SNTB2: variants seen among roughly 807,000 people sequenced by gnomAD.
SNTB2 encodes beta-2-syntrophin.
SNTB2 carries 34 observed loss-of-function variants against 46.2 expected under a neutral mutation model. The observed-to-expected ratio is 0.74, with a 90% CI of 0.56 to 0.98. The LOEUF (loss-of-function observed/expected upper bound fraction) is 0.98, where lower values mean the gene tolerates loss of function less well. Ranked by LOEUF, SNTB2 falls within the 50% of genes least tolerant of loss-of-function variation. The probability of loss-of-function intolerance (pLI) is 0.00; values close to 1 mark genes in which losing one functional copy is unlikely to be tolerated. For missense variants in SNTB2, 603 were observed against 731.4 expected, an observed-to-expected ratio of 0.82 and a Z score of 2.02; for synonymous variants, 290 against 312.6, an observed-to-expected ratio of 0.93 and a Z score of 0.76.
intron 5 of SNTB2, among the ~76,000 whole-genome samples, chr16:69,294,091 G>T (rs540645182): frequency 6.6e-6 from 1 of 152,048 alleles, no homozygotes; most frequent in Admixed American, 6.6e-5. Context: ...GCAGTGTCAC[G>T]AACATGGCTC....
chr16:69,285,293 A>G lies in SNTB2; in HGVS notation c.1345+1049A>G, dbSNP rs145896988. ...CTAGCAAAGTTTTTTTAAGCCTGGT[A>G]TATGACTCGAAGTACATTTATAATA... On this transcript the variant is annotated intron_variant, in intron 5 of 6. Transcript: ENST00000336278. 3.3e-5 allele frequency among the ~76,000 whole-genome samples: 5 copies of G among 151,832 alleles called. No individual in the cohort carries two copies. In the East Asian group the frequency reaches 7.7e-4, roughly 23 times the overall value.
intron 1 of SNTB2, among the ~76,000 whole-genome samples, chr16:69,218,102 A>G (rs1014460655): frequency 3.3e-5 from 5 of 152,188 alleles, no homozygotes; most frequent in Non-Finnish European, 7.3e-5. Context: ...TAATTCATGT[A>G]TATGTATTAT....
At chr16:69,229,473 ATTT>A (rs546123559) in intron 1 of SNTB2, among the ~76,000 whole-genome samples, 4 of 131,036 alleles carry the variant, frequency 3.1e-5, no homozygotes, top group African/African-American at 5.6e-5. Flanking sequence ...GCCTGCCTGA[ATTT>A]TTTTTTTTTT....
chr16:69,229,714 C>T (rs1056991354), intron 1 of SNTB2, among the ~76,000 whole-genome samples: 8 of 151,056 alleles, frequency 5.3e-5, no homozygotes, highest in African/African-American at 1.7e-4. Context: ...TAGTGGCGCA[C>T]GCCTGTAGTC....
chr16:69,267,236 C>T (rs1477982667), intron 3 of SNTB2, among the ~76,000 whole-genome samples: 2 of 152,128 alleles, frequency 1.3e-5, no homozygotes, highest in African/African-American at 2.4e-5. Context: ...CCAGGATGGT[C>T]TTGATCTCCT....
At chr16:69,215,908 T>C (rs1208746732) in intron 1 of SNTB2, among the ~76,000 whole-genome samples, 1 of 152,168 alleles carries the variant, frequency 6.6e-6, no homozygotes, top group African/African-American at 2.4e-5. Flanking sequence ...GCTCAAGTGA[T>C]CCTTGCACCT....
intron 1 of SNTB2, among the ~76,000 whole-genome samples, chr16:69,216,689 C>T (rs182135251): frequency 6.6e-6 from 1 of 151,712 alleles, no homozygotes; most frequent in African/African-American, 2.4e-5. Flanking sequence ...CCCTGCCCCC[C>T]CCCCAAAAAA....
intron 1 of SNTB2, among the ~76,000 whole-genome samples, chr16:69,236,766 G>A (rs537363410): frequency 6.6e-6 from 1 of 152,014 alleles, no homozygotes; most frequent in Non-Finnish European, 1.5e-5. Flanking sequence ...GAGGGGAGTA[G>A]GTAGGCTAGA....
At chr16:69,292,354 TTATA>T (rs1166147915) in intron 5 of SNTB2, among the ~76,000 whole-genome samples, 2,344 of 36,238 alleles carry the variant, frequency 0.065, 300 homozygotes, top group Middle Eastern at 0.083. Flanking sequence ...ACCTTATTTT[TTATA>T]TATATATATA....
chr16:69,207,297 G>A lies in SNTB2; in HGVS notation c.580+19551G>A, dbSNP rs1249288665. Among the ~76,000 whole-genome samples, 6 of 151,756 alleles carry A rather than the reference G, an allele frequency of 4.0e-5. No individual in the cohort carries two copies. In the East Asian group the frequency reaches 1.2e-3, roughly 29 times the overall value. ...GCTTCCCGAGTAGCTTGGACTATAG[G>A]CGTGTGCCACCACGCCCAGCTAATT... On this transcript the variant is annotated intron_variant, in intron 1 of 6. Transcript: ENST00000336278.
At chr16:69,222,119 A>G (rs1964411087) in intron 1 of SNTB2, among the ~76,000 whole-genome samples, 1 of 152,234 alleles carries the variant, frequency 6.6e-6, no homozygotes, top group African/African-American at 2.4e-5. Context: ...TTTAAATCAC[A>G]ATTATTTATG....
At chr16:69,210,977 C>T (rs1184967586) in intron 1 of SNTB2, among the ~76,000 whole-genome samples, 2 of 151,974 alleles carry the variant, frequency 1.3e-5, no homozygotes, top group Admixed American at 1.3e-4. Flanking sequence ...GGCCACAGAG[C>T]GAGACTCCGT....
At chr16:69,237,148 C>T (rs2152295744) in intron 1 of SNTB2, among the ~76,000 whole-genome samples, 2 of 152,260 alleles carry the variant, frequency 1.3e-5, no homozygotes, top group South Asian at 2.1e-4. Flanking sequence ...CTGTGTCAAA[C>T]TGGAGATCCA....
intron 1 of SNTB2, among the ~76,000 whole-genome samples, chr16:69,212,488 A>G (rs961973168): frequency 6.6e-6 from 1 of 151,694 alleles, no homozygotes; most frequent in African/African-American, 2.4e-5. Context: ...ACCGGCGTGT[A>G]CCACCAGGCC....
intron 3 of SNTB2, among the ~76,000 whole-genome samples, chr16:69,269,059 C>T (rs1170184856): frequency 3.3e-5 from 5 of 151,506 alleles, no homozygotes; most frequent in African/African-American, 1.2e-4. Flanking sequence ...ATCCCAGCTA[C>T]TCGGGAGGCT....
intron 1 of SNTB2, among the ~76,000 whole-genome samples, chr16:69,203,144 A>G (rs1362622264): frequency 6.6e-6 from 1 of 150,734 alleles, no homozygotes; most frequent in Admixed American, 6.6e-5. Flanking sequence ...TCAGCCTCCT[A>G]GTAGCTGGGA....
intron 1 of SNTB2, among the ~76,000 whole-genome samples, chr16:69,194,348 A>G (rs1964083800): frequency 6.6e-6 from 1 of 152,066 alleles, no homozygotes; most frequent in Non-Finnish European, 1.5e-5. Flanking sequence ...TTTCTATTGT[A>G]TTCCATTTTA....
Position 69,187,686 on chromosome 16 carries a change from G to T in SNTB2, c.520G>T (p.Ala174Ser). The T allele has an allele frequency of 7.4e-7, 1 of 1,355,014 alleles. No homozygotes were observed. The highest frequency in any genetic ancestry group is 2.2e-5 in the Admixed American group (1 of 46,150). The allele number at this position is 1,355,014 out of a possible 1,614,324, so 83.9% of individuals were successfully genotyped here. A position where few individuals can be genotyped will look rare whatever the true frequency, so the allele number is the denominator to read the frequency against. ...LSVNGTDLRQ[A>S]THDQAVQALK... ...GGTGAACGGCACCGACCTGCGCCAG[G>T]CCACCCACGACCAGGCCGTGCAGGC... Residue 174 changes from alanine to serine, a missense_variant, in exon 1 of 7, where the codon GCC (alanine) becomes TCC (serine). Transcript: ENST00000336278.
chr16:69,285,066 C>T (rs1163063559), intron 5 of SNTB2, among the ~76,000 whole-genome samples: 2 of 152,198 alleles, frequency 1.3e-5, no homozygotes, highest in Non-Finnish European at 2.9e-5. Context: ...TGTAAGTACA[C>T]TCTATGATGT....
Sources: gnomAD v4.1 joint callset for allele counts (sites outside exome capture counted in the v4.1 genomes callset) on GRCh38, gnomAD v4.1.1 for gene constraint, MANE v1.5 for transcripts, NCBI Gene and HGNC (gene_info 2026-07-23, HGNC 2026-07-21) for gene names.